Variants in LRCH2 observed in about 807,000 individuals in gnomAD.
LRCH2 encodes the protein leucine rich repeats and calponin homology domain containing 2, also known as leucine-rich repeat and calponin homology domain-containing protein 2.
LRCH2 carries 38 observed loss-of-function variants against 68.9 expected under a neutral mutation model. The observed-to-expected ratio is 0.55, with a 90% confidence interval of 0.43 to 0.72. The LOEUF (loss-of-function observed/expected upper bound fraction) is 0.72, where lower values mean the gene tolerates loss of function less well. Ranked by LOEUF, LRCH2 falls within the 30% of genes least tolerant of loss-of-function variation. The pLI, the probability that LRCH2 is intolerant of heterozygous loss-of-function variation, is 0.00. For synonymous variants in LRCH2, 191 were observed against 208.1 expected (o/e 0.92, Z 0.71); for missense variants, 528 against 572.9 (o/e 0.92, Z 0.80).
At chrX:115,200,625 G>C (rs1425971974) in intron 1 of LRCH2, among the ~76,000 whole-genome samples, 1 of 106,313 alleles carries the variant, frequency 9.4e-6, no homozygotes, top group Non-Finnish European at 1.9e-5. Flanking sequence ...GAGCAAAACT[G>C]AATCAGTAGT....
In LRCH2 at chrX:115,111,419, C is replaced by T. The variant is rs1302944219; in HGVS notation, c.*1797G>A. ...CCTATGAAAGCAGTATGAATGATTG[C>T]TGTGTTTTTAATGGTCACTTAATTT... is the stretch of plus-strand genomic sequence containing the variant. On this transcript the variant is annotated 3_prime_UTR_variant, in exon 21 of 21. Coordinates refer to ENST00000317135, the MANE Select transcript of LRCH2 (RefSeq NM_020871.4). 9.1e-6 allele frequency: 1 copy of T among 109,680 alleles called. No individual in the cohort carries two copies. The highest frequency in any genetic ancestry group is 1.9e-5 in the Non-Finnish European group (1 of 52,664). 9.0% of individuals were successfully genotyped at this position (109,680 alleles called of 1,213,427 possible).
At chrX:115,210,254 T>C (rs192537181) in intron 1 of LRCH2, among the ~76,000 whole-genome samples, 5 of 110,297 alleles carry the variant, frequency 4.5e-5, no homozygotes, top group African/African-American at 1.6e-4. Context: ...GATGAAAAAA[T>C]GGTTTCGTGG....
At chrX:115,185,623 G>C (rs1189243494) in intron 2 of LRCH2, among the ~76,000 whole-genome samples, 1 of 10,125 alleles carries the variant, frequency 9.9e-5, no homozygotes, top group African/African-American at 1.1e-4. Context: ...TTACTCAAGG[G>C]GGACTTGAAA....
At chrX:115,164,085 T>C (rs949878757) in intron 10 of LRCH2, among the ~76,000 whole-genome samples, 2 of 111,697 alleles carry the variant, frequency 1.8e-5, no homozygotes, top group Non-Finnish European at 3.8e-5. Context: ...ATGTATATTC[T>C]CCAGCCTTCA....
At chrX:115,221,185 A>C (rs1556573507) in intron 1 of LRCH2, among the ~76,000 whole-genome samples, 2 of 69,034 alleles carry the variant, frequency 2.9e-5, no homozygotes, top group African/African-American at 6.9e-5. Context: ...TTAACAAAAA[A>C]AAAAAAAAAA....
chrX:115,210,110 T>C (rs1224282532), intron 1 of LRCH2, among the ~76,000 whole-genome samples: 2 of 111,775 alleles, frequency 1.8e-5, no homozygotes, highest in African/African-American at 3.3e-5. Flanking sequence ...TGAGGAGAAA[T>C]ACAAGCTGGC....
chrX:115,190,328 G>T, intron 1 of LRCH2: 2 of 1,158,440 alleles, frequency 1.7e-6, no homozygotes, highest in Non-Finnish European at 2.3e-6. Flanking sequence ...GATCATCCCA[G>T]CAAAGGCTCC....
At chrX:115,163,617 A>G in intron 11 of LRCH2, 59 bp downstream of exon 11, 2 of 814,258 alleles carry the variant, frequency 2.5e-6, no homozygotes, top group Non-Finnish European at 3.5e-6. Flanking sequence ...TAATCTTTAA[A>G]TAATCAATTT....
intron 1 of LRCH2, chrX:115,189,458 G>C: frequency 8.5e-7 from 1 of 1,173,597 alleles, no homozygotes; most frequent in Non-Finnish European, 1.1e-6. Context: ...GAAGCGGATC[G>C]CCCAGAGAAG....
chrX:115,192,128 G>A (rs924912527), intron 1 of LRCH2: 4 of 1,166,232 alleles, frequency 3.4e-6, no homozygotes, highest in African/African-American at 1.8e-5. Context: ...GGCCGCGACA[G>A]TTTCAGCAAC....
chrX:115,205,940 C>CAA (rs782228586), intron 1 of LRCH2, among the ~76,000 whole-genome samples: 1 of 27,337 alleles, frequency 3.7e-5, no homozygotes, highest in African/African-American at 1.9e-4. Flanking sequence ...CTCTGTCTCA[C>CAA]AAAAAAAAAT....
rs150485233 is a variant in LRCH2 at position 115,227,058 on chromosome X, T to C, written c.349+6635A>G. ...TGTTGTATGGGGCTGTCCTTTTCAA[T>C]GTAGGATGCTTGGCAGCATCCCTTG... On this transcript the variant is annotated intron_variant, in intron 1 of 20. Transcript: ENST00000317135. 5.9e-3 allele frequency among the ~76,000 whole-genome samples: 661 copies of C among 111,235 alleles called. 14 individuals carry two copies. The highest frequency in any genetic ancestry group is 7.5e-3 in the Non-Finnish European group (399 of 53,003).
At chrX:115,214,808 CTG>C (rs1346768180) in intron 1 of LRCH2, among the ~76,000 whole-genome samples, 2 of 111,450 alleles carry the variant, frequency 1.8e-5, no homozygotes, top group Non-Finnish European at 3.8e-5. Flanking sequence ...AAGGAAAGGA[CTG>C]TGAGTCTCGC....
chrX:115,139,272 C>T lies in LRCH2; in HGVS notation c.1696-9073G>A, dbSNP rs1177590922. On this transcript the variant is annotated intron_variant, in intron 14 of 20. Coordinates refer to ENST00000317135, the MANE Select transcript of LRCH2 (RefSeq NM_020871.4). ...CATAGAAAATGTGTCAAAATATTTT[C>T]CAGGGGGTTAACCTTTAAATAAAAA... The T allele has an allele frequency of 3.6e-5, 4 of 111,355 alleles. No individual in the cohort carries two copies. In the Admixed American group the frequency reaches 3.8e-4, roughly 11 times the overall value. 9.2% of individuals were successfully genotyped at this position (111,355 alleles called of 1,213,427 possible). A position where few individuals can be genotyped will look rare whatever the true frequency, so the allele number is the denominator to read the frequency against.
intron 14 of LRCH2, among the ~76,000 whole-genome samples, chrX:115,148,682 G>T (rs782673681): frequency 7.3e-4 from 81 of 111,689 alleles, no homozygotes; most frequent in African/African-American, 2.5e-3. Context: ...TGTATAAAGG[G>T]TTAGGATAAA....
intron 14 of LRCH2, among the ~76,000 whole-genome samples, chrX:115,148,542 T>C (rs1356251205): frequency 8.9e-6 from 1 of 111,852 alleles, no homozygotes; most frequent in African/African-American, 3.2e-5. Context: ...ACTACTAAAA[T>C]TTCCCCCATA....
At chrX:115,126,787 A>G (rs2072203796) in intron 16 of LRCH2, 56 bp downstream of exon 16, 2 of 931,371 alleles carry the variant, frequency 2.1e-6, no homozygotes, top group East Asian at 7.8e-5. Context: ...CTCTTATGTA[A>G]AACACAGAAA....
intron 3 of LRCH2, among the ~76,000 whole-genome samples, chrX:115,182,827 G>A (rs2072702766): frequency 1.4e-5 from 1 of 72,952 alleles, no homozygotes; most frequent in Admixed American, 1.9e-4. Flanking sequence ...AGTGAACTTC[G>A]TCTCAAAAAA....
intron 11 of LRCH2, among the ~76,000 whole-genome samples, chrX:115,159,771 A>G (rs1050158824): frequency 1.0e-4 from 11 of 108,923 alleles, no homozygotes; most frequent in Non-Finnish European, 2.1e-4. Flanking sequence ...AAAAAATTCA[A>G]CAATAAACTG....
Sources: allele counts gnomAD v4.1 joint callset (sites outside exome capture counted in the v4.1 genomes callset), GRCh38; gene constraint gnomAD v4.1.1; transcripts MANE v1.5; gene names NCBI Gene and HGNC (gene_info 2026-07-23, HGNC 2026-07-21).